Variants in BTBD7 observed in about 807,000 individuals in gnomAD.
BTBD7 encodes BTB domain containing 7.
Under a neutral mutation model 99.9 loss-of-function variants are expected in BTBD7, and 38 were observed. The observed-to-expected ratio is 0.38, with a 90% confidence interval of 0.29 to 0.50. The LOEUF is 0.50. BTBD7 is among the 20% of genes least tolerant of loss of function. The pLI, the probability that BTBD7 is intolerant of heterozygous loss-of-function variation, is 0.93. For synonymous variants in BTBD7, 520 were observed against 511.4 expected (o/e 1.02, Z -0.23); for missense variants, 1,170 against 1,394.6 (o/e 0.84, Z 2.57).
At chr14:93,282,972 A>C (rs1191086710) in intron 3 of BTBD7, among the ~76,000 whole-genome samples, 1 of 152,260 alleles carries the variant, frequency 6.6e-6, no homozygotes. Flanking sequence ...ATAAGTTTAC[A>C]AAGTCTGCTA....
At chr14:93,301,443 G>A (rs1485609460) in intron 1 of BTBD7, among the ~76,000 whole-genome samples, 1 of 152,050 alleles carries the variant, frequency 6.6e-6, no homozygotes, top group Non-Finnish European at 1.5e-5. Flanking sequence ...CGTCTGCCTT[G>A]GCCTCCCAAA....
In BTBD7 at chr14:93,296,080, G is replaced by C; in HGVS notation, c.-29C>G. 1 of 1,610,498 alleles carries C rather than the reference G, an allele frequency of 6.2e-7. No homozygotes were observed. Among genetic ancestry groups the C allele is most frequent in the South Asian group, 1.1e-5 (1 of 90,656 alleles). ...CTTCAGTCACTCAGGCATTCCGTCT[G>C]CGGGTTCTTCAGAGTATAATCCCAG... On this transcript the variant is annotated 5_prime_UTR_variant, in exon 2 of 11. Coordinates refer to ENST00000334746, the MANE Select transcript of BTBD7 (RefSeq NM_001002860.4).
intron 3 of BTBD7, chr14:93,288,018 T>C (rs2052801250): frequency 6.5e-6 from 1 of 153,424 alleles, no homozygotes; most frequent in South Asian, 2.1e-4. Context: ...CCATCAGCTT[T>C]TGGAAGACAC....
chr14:93,327,221 A>G (rs983046568), intron 1 of BTBD7, among the ~76,000 whole-genome samples: 1 of 152,190 alleles, frequency 6.6e-6, no homozygotes, highest in East Asian at 1.9e-4. Context: ...TTATATAATA[A>G]TATGTTTTTT....
At chr14:93,321,366 G>T (rs1414460047) in intron 1 of BTBD7, among the ~76,000 whole-genome samples, 1 of 152,204 alleles carries the variant, frequency 6.6e-6, no homozygotes, top group Non-Finnish European at 1.5e-5. Context: ...GCCTAGGCGG[G>T]TGGATCGCTT....
intron 5 of BTBD7, among the ~76,000 whole-genome samples, chr14:93,257,667 A>G (rs1233461235): frequency 6.6e-6 from 1 of 152,238 alleles, no homozygotes; most frequent in African/African-American, 2.4e-5. Context: ...AGTTTTATCA[A>G]GGGCTTTTTA....
chr14:93,304,647 C>T (rs988954925), intron 1 of BTBD7, among the ~76,000 whole-genome samples: 2 of 152,270 alleles, frequency 1.3e-5, no homozygotes, highest in Admixed American at 6.5e-5. Context: ...CCACCGTGCC[C>T]GGCCTAGATT....
rs1219534078 is a variant in BTBD7 at position 93,294,199 on chromosome 14, A to G, written c.821T>C (p.Leu274Pro). Residue 274 changes from leucine to proline, a missense_variant, in exon 3 of 11, where the codon CTC (leucine) becomes CCC (proline). Leu to Pro is a moderately conservative substitution (Grantham distance 98). Coordinates refer to ENST00000334746, the MANE Select transcript of BTBD7 (RefSeq NM_001002860.4). ...GGNQNCLDEE[L>P]KAHKAVISAR... ...AGAAATAACAGCCTTGTGGGCTTTGAGCTCTTCATCTAAACAGTTCTGATT... is the reference window on the plus strand; with the variant it reads ...AGAAATAACAGCCTTGTGGGCTTTGGGCTCTTCATCTAAACAGTTCTGATT... The G allele has an allele frequency of 4.3e-6, 7 of 1,613,988 alleles. No homozygotes were observed. The highest frequency in any genetic ancestry group is 4.5e-5 in the East Asian group (2 of 44,892).
chr14:93,297,340 T>G (rs904936424), intron 1 of BTBD7, among the ~76,000 whole-genome samples: 10 of 152,232 alleles, frequency 6.6e-5, no homozygotes, highest in Non-Finnish European at 1.5e-4. Context: ...AATTATTTAT[T>G]TAGACGGAGT....
intron 3 of BTBD7, 106 bp downstream of exon 3, chr14:93,293,752 T>C (rs2052885898): frequency 7.0e-7 from 1 of 1,419,424 alleles, no homozygotes; most frequent in Non-Finnish European, 9.4e-7. Flanking sequence ...AAACTGACCC[T>C]GTAACATCCC....
chr14:93,243,136 C>T (rs1431787409), intron 10 of BTBD7, 48 bp from the exon 11 acceptor site: 5 of 1,487,130 alleles, frequency 3.4e-6, no homozygotes, highest in Non-Finnish European at 4.6e-6. Flanking sequence ...AAGGACCCAT[C>T]CTCTGTAGAA....
Position 93,242,172 on chromosome 14 carries a change from G to A in BTBD7, c.*101C>T, listed in dbSNP as rs1271419158. Reference sequence around the variant, plus strand: ...AACTAGAACAAAATCATGTGAAACCGAGTTATCAGCTGGCATTGATGAACT... The same window carrying A: ...AACTAGAACAAAATCATGTGAAACCAAGTTATCAGCTGGCATTGATGAACT... On this transcript the variant is annotated 3_prime_UTR_variant, in exon 11 of 11. Transcript: ENST00000334746. 11 of 1,039,480 alleles carry A rather than the reference G, an allele frequency of 1.1e-5. No homozygotes were observed. Among genetic ancestry groups the A allele is most frequent in the East Asian group, 7.3e-5 (3 of 41,092 alleles). 64.4% of individuals were successfully genotyped at this position (1,039,480 alleles called of 1,614,324 possible).
At position 93,293,953 on chromosome 14, in the gene BTBD7, G is replaced by C. The variant is rs762396941; in HGVS notation, c.1067C>G (p.Ala356Gly). The C allele has an allele frequency of 5.0e-6, 8 of 1,613,632 alleles. 1 individual carries two copies. The South Asian group carries it at 7.7e-5, about 16-fold the overall frequency. Residue 356 changes from alanine to glycine, a missense_variant, in exon 3 of 11, where the codon GCT becomes GGT. By Grantham distance (60) the Ala-to-Gly change is moderately conservative. Coordinates refer to ENST00000334746, the MANE Select transcript of BTBD7 (RefSeq NM_001002860.4). ...PSVGSLSEVQ[A>G]LVAGKPNMTR... is the part of the protein sequence containing the mutation. ...CATGTTTGGCTTCCCTGCGACGAGA[G>C]CCTGAACTTCACTGAGACTCCCCAC...
chr14:93,254,146 T>G (rs2052403212), intron 6 of BTBD7, among the ~76,000 whole-genome samples: 1 of 151,844 alleles, frequency 6.6e-6, no homozygotes, highest in Admixed American at 6.6e-5. Context: ...ACCATGTTGG[T>G]CAGGCTGGTC....
At chr14:93,327,351 T>C (rs1201674678) in intron 1 of BTBD7, among the ~76,000 whole-genome samples, 4 of 152,326 alleles carry the variant, frequency 2.6e-5, no homozygotes, top group South Asian at 2.1e-4. Context: ...AGTTGTACTA[T>C]AGTTATTCAG....
intron 9 of BTBD7, among the ~76,000 whole-genome samples, chr14:93,246,951 G>A (rs190678476): frequency 1.3e-5 from 2 of 152,040 alleles, no homozygotes; most frequent in African/African-American, 4.8e-5. Context: ...AGGACAGCAG[G>A]GGGAAAAAGA....
At chr14:93,289,573 C>T (rs905139843) in intron 3 of BTBD7, among the ~76,000 whole-genome samples, 15 of 152,228 alleles carry the variant, frequency 9.9e-5, no homozygotes, top group Non-Finnish European at 2.1e-4. Flanking sequence ...TCAACATCTT[C>T]CCCATTGTTG....
intron 3 of BTBD7, among the ~76,000 whole-genome samples, chr14:93,286,916 G>A (rs1283888551): frequency 6.6e-6 from 1 of 152,020 alleles, no homozygotes; most frequent in African/African-American, 2.4e-5. Context: ...GTTCTTATGG[G>A]CACTGATGTC....
chr14:93,300,786 A>ATT (rs71129626), intron 1 of BTBD7, among the ~76,000 whole-genome samples: 1,756 of 101,736 alleles, frequency 0.017, 186 homozygotes, highest in African/African-American at 0.033. Flanking sequence ...ATATATATAT[A>ATT]TTTTTTTTTT....
Sources: gnomAD v4.1 joint callset for allele counts (sites outside exome capture counted in the v4.1 genomes callset) on GRCh38, gnomAD v4.1.1 for gene constraint, MANE v1.5 for transcripts, NCBI Gene and HGNC (gene_info 2026-07-23, HGNC 2026-07-21) for gene names.